Variants in NRG3 observed in about 807,000 individuals in gnomAD.
The protein encoded by NRG3 is pro-neuregulin-3, membrane-bound isoform.
A neutral mutation model predicts 66.9 loss-of-function variants in NRG3; 31 were observed. The ratio of observed to expected loss-of-function variants is 0.46; its 90% confidence interval spans 0.35 to 0.63. NRG3 has a LOEUF of 0.63. Ranked by LOEUF, NRG3 falls within the 20% of genes least tolerant of loss-of-function variation. The pLI, the probability that NRG3 is intolerant of heterozygous loss-of-function variation, is 0.00. For missense variants in NRG3, 910 were observed against 878.9 expected (o/e 1.04, Z -0.45); for synonymous variants, 393 against 359.4 (o/e 1.09, Z -1.06).
intron 7 of NRG3, among the ~76,000 whole-genome samples, chr10:82,978,018 G>C (rs975979918): frequency 6.6e-6 from 1 of 152,274 alleles, no homozygotes; most frequent in Non-Finnish European, 1.5e-5. Flanking sequence ...ATGGAGCACA[G>C]AATTCTCAGT....
chr10:82,351,147 G>A (rs930983869), intron 1 of NRG3, among the ~76,000 whole-genome samples: 3 of 152,120 alleles, frequency 2.0e-5, no homozygotes, highest in African/African-American at 7.2e-5. Flanking sequence ...GCCCGCCTCG[G>A]CCTCCCAAAG....
At chr10:82,601,115 G>A (rs1463792197) in intron 2 of NRG3, among the ~76,000 whole-genome samples, 1 of 152,168 alleles carries the variant, frequency 6.6e-6, no homozygotes, top group Non-Finnish European at 1.5e-5. Context: ...TGCTGCAAAA[G>A]ATATGATTTT....
intron 2 of NRG3, among the ~76,000 whole-genome samples, chr10:82,557,637 A>G (rs2044737294): frequency 6.6e-6 from 1 of 151,922 alleles, no homozygotes; most frequent in Non-Finnish European, 1.5e-5. Context: ...GTTAGTTCCC[A>G]TTTGTTGATT....
intron 2 of NRG3, among the ~76,000 whole-genome samples, chr10:82,553,678 G>A (rs1428652674): frequency 1.3e-5 from 2 of 152,054 alleles, no homozygotes; most frequent in South Asian, 2.1e-4. Flanking sequence ...GCTGGTGCTC[G>A]GAATACCTCA....
At chr10:82,380,563 T>C (rs1466622428) in intron 2 of NRG3, among the ~76,000 whole-genome samples, 2 of 152,156 alleles carry the variant, frequency 1.3e-5, no homozygotes, top group African/African-American at 4.8e-5. Flanking sequence ...ATTTGAATTG[T>C]ACTATGTAGT....
At chr10:82,690,671 TA>T (rs2054857868) in intron 2 of NRG3, among the ~76,000 whole-genome samples, 1 of 152,210 alleles carries the variant, frequency 6.6e-6, no homozygotes, top group Non-Finnish European at 1.5e-5. Context: ...TTCATATGAC[TA>T]AACCTGCTCT....
Position 82,278,502 on chromosome 10 carries a change from T to C in NRG3, c.824-80237T>C, listed in dbSNP as rs74637252. ...TTCCTCTCTTCTGTTGAAAATGTTC[T>C]CTGGCAGGATGATTTCTGTCAATAA... is the stretch of plus-strand genomic sequence containing the variant. On this transcript the variant is annotated intron_variant, in intron 1 of 8. Transcript: ENST00000372141. 5.4e-3 allele frequency among the ~76,000 whole-genome samples: 824 copies of C among 152,242 alleles called. 3 individuals carry two copies. Among genetic ancestry groups the C allele is most frequent in the African/African-American group, 0.019 (789 of 41,552 alleles).
At chr10:82,111,006 T>C (rs2067354495) in intron 1 of NRG3, among the ~76,000 whole-genome samples, 1 of 152,228 alleles carries the variant, frequency 6.6e-6, no homozygotes. Flanking sequence ...TTCTCTGTTG[T>C]GCTTTTGCAA....
chr10:82,034,533 A>G (rs1256266835), intron 1 of NRG3, among the ~76,000 whole-genome samples: 6 of 152,052 alleles, frequency 3.9e-5, no homozygotes, highest in African/African-American at 1.4e-4. Context: ...CATTTTCCTT[A>G]TATCTAAAAT....
intron 2 of NRG3, among the ~76,000 whole-genome samples, chr10:82,627,382 G>A (rs563240540): frequency 7.9e-4 from 120 of 152,110 alleles, no homozygotes; most frequent in African/African-American, 2.8e-3. Context: ...TAAATTAGGT[G>A]GTTTTAATTA....
intron 4 of NRG3, among the ~76,000 whole-genome samples, chr10:82,946,813 C>G (rs1207408905): frequency 6.6e-6 from 1 of 152,018 alleles, no homozygotes; most frequent in East Asian, 1.9e-4. Context: ...TTGCCTGCTA[C>G]ATGGAGAATG....
At chr10:82,821,769 A>C (rs1190300826) in intron 3 of NRG3, among the ~76,000 whole-genome samples, 2 of 152,140 alleles carry the variant, frequency 1.3e-5, no homozygotes, top group East Asian at 3.9e-4. Flanking sequence ...CCCATTGAAA[A>C]ACAGAGGTAT....
intron 1 of NRG3, among the ~76,000 whole-genome samples, chr10:82,343,856 AG>A (rs923005935): frequency 5.9e-5 from 9 of 152,080 alleles, no homozygotes; most frequent in African/African-American, 2.2e-4. Flanking sequence ...GTTAACATTT[AG>A]CCCCAGAGGG....
At chr10:82,529,688 T>A (rs1385962677) in intron 2 of NRG3, among the ~76,000 whole-genome samples, 1 of 152,124 alleles carries the variant, frequency 6.6e-6, no homozygotes, top group Non-Finnish European at 1.5e-5. Context: ...GGAACTGTAG[T>A]GAAATCACTG....
At chr10:82,573,086 TG>T (rs1758442920) in intron 2 of NRG3, among the ~76,000 whole-genome samples, 1 of 151,796 alleles carries the variant, frequency 6.6e-6, no homozygotes, top group African/African-American at 2.4e-5. Context: ...TGGAAGGATA[TG>T]TGAGAATATG....
At chr10:82,121,041 ATGTAATATTTGTC>A (rs2068058732) in intron 1 of NRG3, among the ~76,000 whole-genome samples, 1 of 152,082 alleles carries the variant, frequency 6.6e-6, no homozygotes, top group Admixed American at 6.6e-5. Flanking sequence ...CACTGCCATG[ATGTAATATTTGTC>A]TCCATCATTC....
At chr10:82,620,762 C>T (rs1354709175) in intron 2 of NRG3, among the ~76,000 whole-genome samples, 1 of 152,128 alleles carries the variant, frequency 6.6e-6, no homozygotes, top group Non-Finnish European at 1.5e-5. Context: ...GGGGTTTCAC[C>T]AGGGACTCAC....
At chr10:82,311,460 T>A (rs1172221331) in intron 1 of NRG3, among the ~76,000 whole-genome samples, 1 of 152,204 alleles carries the variant, frequency 6.6e-6, no homozygotes, top group African/African-American at 2.4e-5. Context: ...ACAAATGTTC[T>A]CATGATTGGT....
At chr10:82,256,350 T>A (rs766364637) in intron 1 of NRG3, among the ~76,000 whole-genome samples, 1 of 152,202 alleles carries the variant, frequency 6.6e-6, no homozygotes, top group Non-Finnish European at 1.5e-5. Flanking sequence ...GATGCCTTTG[T>A]TGTTGCTTTC....
Sources: allele counts gnomAD v4.1 joint callset (sites outside exome capture counted in the v4.1 genomes callset), GRCh38; gene constraint gnomAD v4.1.1; transcripts MANE v1.5; gene names NCBI Gene and HGNC (gene_info 2026-07-23, HGNC 2026-07-21).